The following HSF1 variants were observed in gnomAD, a reference collection of about 807,000 sequenced individuals.
HSF1 encodes heat shock transcription factor 1.
HSF1 carries 32 observed loss-of-function variants against 51.7 expected under a neutral mutation model. The observed-to-expected ratio is 0.62, with a 90% CI of 0.47 to 0.83. The LOEUF is 0.83. Among genes scored for constraint, HSF1 ranks in the 40% least tolerant of loss-of-function variants. HSF1 has a pLI of 0.00. For synonymous variants in HSF1, 396 were observed against 309.7 expected (o/e 1.28, Z -2.92); for missense variants, 727 against 717.0 (o/e 1.01, Z -0.16).
At position 144,291,632 on chromosome 8, in the gene HSF1, G is replaced by T; in HGVS notation, c.-126G>T. 2.0e-6 allele frequency: 1 copy of T among 490,018 alleles called. No individual in the cohort carries two copies. Among genetic ancestry groups the T allele is most frequent in the South Asian group, 3.3e-5 (1 of 30,154 alleles). 30.4% of individuals were successfully genotyped at this position (490,018 alleles called of 1,614,324 possible). ...TGCAAGATGGCGGCGGCCATGCTGG[G>T]CCCCGGGGCTGTGTGTGCGCAGCGG... On this transcript the variant is annotated 5_prime_UTR_variant, in exon 1 of 13. Coordinates refer to ENST00000528838, the MANE Select transcript of HSF1 (RefSeq NM_005526.4). The surrounding 1 kb of genome is among the most constrained non-coding windows in gnomAD (Gnocchi z 4.1).
chr8:144,304,169 T>C (rs1816070694), intron 1 of HSF1, among the ~76,000 whole-genome samples: 1 of 152,084 alleles, frequency 6.6e-6, no homozygotes, highest in African/African-American at 2.4e-5. Context: ...ATCTTCCTGC[T>C]CCCCTCTCCC....
chr8:144,310,951 C>T (rs539705024), intron 4 of HSF1: 10 of 586,010 alleles, frequency 1.7e-5, no homozygotes, highest in Admixed American at 1.2e-4. Flanking sequence ...CAACACCCTA[C>T]GTGACACCAG....
At chr8:144,302,461 C>T (rs574653474) in intron 1 of HSF1, among the ~76,000 whole-genome samples, 8 of 149,784 alleles carry the variant, frequency 5.3e-5, no homozygotes, top group South Asian at 4.4e-4. Flanking sequence ...GAGCTGAGAT[C>T]GCGCCATTGC....
At chr8:144,307,812 C>T (rs531782156) in intron 1 of HSF1, among the ~76,000 whole-genome samples, 15 of 152,286 alleles carry the variant, frequency 9.8e-5, no homozygotes, top group Non-Finnish European at 2.2e-4. Flanking sequence ...TTCACAAAGC[C>T]CACTGTTCTT....
intron 1 of HSF1, among the ~76,000 whole-genome samples, chr8:144,302,557 G>A (rs1250765243): frequency 6.6e-6 from 1 of 151,608 alleles, no homozygotes; most frequent in Non-Finnish European, 1.5e-5. Context: ...GCTGAGCATG[G>A]TAGCTGACAC....
intron 12 of HSF1, 30 bp downstream of exon 12, chr8:144,314,084 GC>G: frequency 7.5e-7 from 1 of 1,329,854 alleles, no homozygotes; most frequent in Non-Finnish European, 9.9e-7. Context: ...CCCCACCTCT[GC>G]CCCCAACCCC....
In HSF1 at chr8:144,313,625, AGCCCCGCC is replaced by A. The variant is rs781784573; in HGVS notation, c.1248+18_1248+25del. On this transcript the variant is annotated intron_variant, in intron 10 of 12. Transcript: ENST00000528838. ...CCAGTGCCCTGCTGGACGTGAGTGG[AGCCCCGCC>A]GCCCCGCCTCCCCGCCCCGCCTCCC... The A allele has an allele frequency of 1.1e-4, 167 of 1,456,116 alleles. 2 individuals carry two copies. The highest frequency in any genetic ancestry group is 3.5e-4 in the African/African-American group (21 of 59,634). The allele number at this position is 1,456,116 out of a possible 1,614,324, so 90.2% of individuals were successfully genotyped here.
Position 144,311,335 on chromosome 8 carries a change from G to C in HSF1, c.579G>C (p.Leu193=). 1 of 1,614,022 alleles carries C rather than the reference G, an allele frequency of 6.2e-7. No individual in the cohort carries two copies. The highest frequency in any genetic ancestry group is 8.5e-7 in the Non-Finnish European group (1 of 1,180,024). Reference sequence around the variant, plus strand: ...TCTCTCCACAGCTCATTCAGTTCCTGATCTCACTGGTGCAGTCAAACCGGA... The same window carrying C: ...TCTCTCCACAGCTCATTCAGTTCCTCATCTCACTGGTGCAGTCAAACCGGA... ...QKVVNKLIQF[L]ISLVQSNRIL... Residue 193 remains leucine, a synonymous_variant, in exon 6 of 13, where the codon CTG becomes CTC. Transcript: ENST00000528838.
At position 144,313,913 on chromosome 8, in the gene HSF1, T is replaced by C; in HGVS notation, c.1314+2T>C. 1 of 1,608,992 alleles carries C rather than the reference T, an allele frequency of 6.2e-7. No individual in the cohort carries two copies. Among genetic ancestry groups the C allele is most frequent in the Non-Finnish European group, 8.5e-7 (1 of 1,178,976 alleles). Reference sequence around the variant, plus strand: ...GACCTTGACAGCAGCCTGGCCAGTGTGCGTAGGCGGGCGGGGGGTGAGGGG... The same window carrying C: ...GACCTTGACAGCAGCCTGGCCAGTGCGCGTAGGCGGGCGGGGGGTGAGGGG... On this transcript the variant is annotated splice_donor_variant, in intron 11 of 12. Transcript: ENST00000528838. LOFTEE classifies it high-confidence loss of function.
At chr8:144,302,234 C>T (rs968508435) in intron 1 of HSF1, among the ~76,000 whole-genome samples, 1 of 151,694 alleles carries the variant, frequency 6.6e-6, no homozygotes, top group East Asian at 2.0e-4. Flanking sequence ...GCAGGCCGGG[C>T]GCCGTGGCTC....
Position 144,309,343 on chromosome 8 carries a change from G to A in HSF1, c.227-112G>A, listed in dbSNP as rs530295099. ...CAGGCATGGGCTCTGAGGGGGCAGG[G>A]CAGGGTCTGACCATGGCCAAGCCCC... On this transcript the variant is annotated intron_variant, in intron 2 of 12. Transcript: ENST00000528838. The A allele has an allele frequency of 8.2e-6, 12 of 1,464,278 alleles. No homozygotes were observed. In the East Asian group the frequency reaches 9.1e-5, roughly 11 times the overall value. 90.7% of individuals were successfully genotyped at this position (1,464,278 alleles called of 1,614,324 possible).
At chr8:144,300,469 G>T (rs548909649) in intron 1 of HSF1, among the ~76,000 whole-genome samples, 2 of 152,032 alleles carry the variant, frequency 1.3e-5, no homozygotes, top group African/African-American at 2.4e-5. Flanking sequence ...CGCCCACCTT[G>T]GCCTCCCAAA....
chr8:144,310,775 A>G (rs1206538320), intron 4 of HSF1: 1 of 254,944 alleles, frequency 3.9e-6, no homozygotes, highest in East Asian at 9.8e-5. Context: ...GACATGGGAC[A>G]GCCAGTGTCG....
rs1346387565 is a variant in HSF1, at chr8:144,297,446, C to T, written c.117+5572C>T. 3.9e-5 allele frequency among the ~76,000 whole-genome samples: 6 copies of T among 152,264 alleles called. No homozygotes were observed. Among genetic ancestry groups the T allele is most frequent in the South Asian group, 2.1e-4 (1 of 4,832 alleles). On this transcript the variant is annotated intron_variant, in intron 1 of 12. Transcript: ENST00000528838. The surrounding 1 kb of genome is among the most constrained non-coding windows in gnomAD (Gnocchi z 4.6). ...TGTGCTGCTCTTGGTCCTTGTGTGG[C>T]GAGAACACGCTGGAAGCTCCTCCAG... is the stretch of plus-strand genomic sequence containing the variant.
intron 1 of HSF1, among the ~76,000 whole-genome samples, chr8:144,298,442 C>CA (rs11405501): frequency 0.52 from 72,648 of 138,628 alleles, 18,556 homozygotes; most frequent in Admixed American, 0.65. Flanking sequence ...ACTAAAAATA[C>CA]AAAAAAAAAA....
chr8:144,303,468 C>T (rs1816026020), intron 1 of HSF1, among the ~76,000 whole-genome samples: 1 of 152,024 alleles, frequency 6.6e-6, no homozygotes, highest in African/African-American at 2.4e-5. Context: ...TTCTCTGCAC[C>T]ACCCTTCTGG....
At chr8:144,302,516 G>GATA (rs1370804781) in intron 1 of HSF1, among the ~76,000 whole-genome samples, 1 of 149,238 alleles carries the variant, frequency 6.7e-6, no homozygotes, top group African/African-American at 2.5e-5. Context: ...AAAAAAAAAA[G>GATA]ATAATAATAA....
intron 1 of HSF1, among the ~76,000 whole-genome samples, chr8:144,299,377 C>T (rs1245961157): frequency 6.6e-6 from 1 of 150,520 alleles, no homozygotes; most frequent in Non-Finnish European, 1.5e-5. Context: ...GCAGAGGTTG[C>T]AGTGAGCCGA....
At position 144,314,184 on chromosome 8, in the gene HSF1, G is replaced by T; in HGVS notation, c.1444G>T (p.Asp482Tyr). 1 of 1,549,824 alleles carries T rather than the reference G, an allele frequency of 6.5e-7. No homozygotes were observed. The highest frequency in any genetic ancestry group is 8.7e-7 in the Non-Finnish European group (1 of 1,146,824). Residue 482 changes from aspartate to tyrosine, a missense_variant, in exon 13 of 13, where the codon GAC (aspartate) becomes TAC (tyrosine). Physicochemically the swap from Asp to Tyr is radical, Grantham distance 160 (BLOSUM62 -3). Transcript: ENST00000528838. ...PLFLLDPGSV[D>Y]TGSNDLPVLF... ...GTTCCTGCTGGACCCCGGCTCCGTG[G>T]ACACCGGGAGCAACGACCTGCCGGT...
Sources: allele counts gnomAD v4.1 joint callset (sites outside exome capture counted in the v4.1 genomes callset), GRCh38; gene constraint gnomAD v4.1.1; non-coding constraint Gnocchi (gnomAD v3.1); transcripts MANE v1.5; gene names NCBI Gene and HGNC (gene_info 2026-07-23, HGNC 2026-07-21).